The following PAX1 variants were observed in gnomAD, a reference collection of about 807,000 sequenced individuals.
The protein encoded by PAX1 is paired box protein Pax-1.
PAX1 carries 18 observed loss-of-function variants against 35.6 expected under a neutral mutation model. That is an observed-to-expected ratio of 0.50 (90% CI 0.35 to 0.75). The LOEUF is 0.75. Ranked by LOEUF, PAX1 falls within the 30% of genes least tolerant of loss-of-function variation. PAX1 has a pLI of 0.01. For missense variants in PAX1, 760 were observed against 661.5 expected, an observed-to-expected ratio of 1.15 and a Z score of -1.63; for synonymous variants, 397 against 305.2, an observed-to-expected ratio of 1.30 and a Z score of -3.14.
Position 21,706,928 on chromosome 20 carries a change from C to T in PAX1, c.777C>T (p.Pro259=), listed in dbSNP as rs371246528. The T allele has an allele frequency of 1.4e-5, 22 of 1,612,790 alleles. No individual in the cohort carries two copies. The African/African-American group carries it at 2.3e-4, about 17-fold the overall frequency. Residue 259 remains proline (P), a synonymous_variant, in exon 2 of 5, where the codon CCC becomes CCT. Transcript: ENST00000613128. This position sits in a 1 kb window ranked among gnomAD's most constrained non-coding sequence, Gnocchi z 5.3. ...NHIYQYPYPS[P]VSPTGAKMGS... ...TCTACCAGTACCCCTACCCCAGTCC[C>T]GTGTCGCCCACGGGCGCCAAGATGG...
In PAX1 at chr20:21,706,203, G is replaced by C. The variant is rs773884866; in HGVS notation, c.286+205G>C. On this transcript the variant is annotated intron_variant, in intron 1 of 4. Coordinates refer to ENST00000613128, the MANE Select transcript of PAX1 (RefSeq NM_001257096.2). The surrounding 1 kb of genome is among the most constrained non-coding windows in gnomAD (Gnocchi z 5.3). ...TCCAAGTAGACGCGCTAAAAGTCGC[G>C]AAAGGGCACGGAGGGCTACAATGCG... 3.9e-6 allele frequency: 3 copies of C among 775,920 alleles called. No homozygotes were observed. Among genetic ancestry groups the C allele is most frequent in the South Asian group, 2.9e-5 (2 of 69,082 alleles). 48.1% of individuals were successfully genotyped at this position (775,920 alleles called of 1,614,324 possible).
rs78738066 is a variant in PAX1 at position 21,717,912 on chromosome 20, C to T, written c.*3350C>T. On this transcript the variant is annotated 3_prime_UTR_variant, in exon 5 of 5. Transcript: ENST00000613128. ...TGTTATAGTCTTTTGTGAATCTTTC[C>T]AGGAAAAACATGCATGCGGGAAAAT... is the stretch of plus-strand genomic sequence containing the variant. 1 of 152,184 alleles carries T rather than the reference C, an allele frequency of 6.6e-6. No homozygotes were observed. The highest frequency in any genetic ancestry group is 2.4e-5 in the African/African-American group (1 of 41,518). The allele number at this position is 152,184 out of a possible 1,614,324, so 9.4% of individuals were successfully genotyped here.
chr20:21,707,747 C>T (rs960547349), intron 2 of PAX1, among the ~76,000 whole-genome samples: 1 of 152,138 alleles, frequency 6.6e-6, no homozygotes, highest in African/African-American at 2.4e-5. Context: ...TTTCTTTGCG[C>T]TCTCCCCAGC....
chr20:21,708,791 A>C (rs2122138371), intron 3 of PAX1, 91 bp downstream of exon 3: 1 of 1,371,722 alleles, frequency 7.3e-7, no homozygotes, highest in East Asian at 2.3e-5. Context: ...AAAAGAAAAA[A>C]TTTCCAGGCA....
chr20:21,709,274 C>T lies in PAX1; in HGVS notation c.1112C>T (p.Pro371Leu), dbSNP rs1355071859. The T allele has an allele frequency of 3.1e-6, 5 of 1,605,706 alleles. No homozygotes were observed. Among genetic ancestry groups the T allele is most frequent in the African/African-American group, 1.3e-5 (1 of 74,938 alleles). ...VGGFLPACAY[P>L]ASNQHGVYSA... ...GGCTTTCTCCCCGCCTGCGCCTACC[C>T]GGCCTCCAACCAGCACGGCGTGTAC... Residue 371 changes from proline (P) to leucine (L), a missense_variant, in exon 4 of 5, where the codon CCG becomes CTG. Around this residue, in one of 3 missense-constraint regions of PAX1, gnomAD observed 490 missense variants for 428.4 expected, o/e 1.14. Coordinates refer to ENST00000613128, the MANE Select transcript of PAX1 (RefSeq NM_001257096.2).
chr20:21,706,397 T>A lies in PAX1; in HGVS notation c.287-41T>A. ...GACCCTTGGCTAACCCGCCGGGTGT[T>A]TTCTCCCCCTCCGGCTCACTCTTGT... On this transcript the variant is annotated intron_variant, in intron 1 of 4. Transcript: ENST00000613128. The surrounding 1 kb of genome is among the most constrained non-coding windows in gnomAD (Gnocchi z 5.3). The A allele has an allele frequency of 3.1e-6, 5 of 1,608,230 alleles. No individual in the cohort carries two copies. The highest frequency in any genetic ancestry group is 4.2e-6 in the Non-Finnish European group (5 of 1,179,792).
chr20:21,705,688 G>C lies in PAX1; in HGVS notation c.-25G>C, dbSNP rs1984952254. The C allele has an allele frequency of 2.4e-6, 3 of 1,236,528 alleles. No individual in the cohort carries two copies. The highest frequency in any genetic ancestry group is 3.1e-6 in the Non-Finnish European group (3 of 981,566). The allele number at this position is 1,236,528 out of a possible 1,614,324, so 76.6% of individuals were successfully genotyped here. On this transcript the variant is annotated 5_prime_UTR_variant, in exon 1 of 5. Coordinates refer to ENST00000613128, the MANE Select transcript of PAX1 (RefSeq NM_001257096.2). ...TGATTCCCGCACGCTGCAGCCTCCC[G>C]GTCAGACGAATTTCTCCCAATCGGA...
intron 4 of PAX1, among the ~76,000 whole-genome samples, chr20:21,710,139 T>C (rs999364091): frequency 1.3e-5 from 2 of 152,006 alleles, no homozygotes; most frequent in African/African-American, 2.4e-5. Flanking sequence ...CTGGGAGTCT[T>C]GCCTCCTTTT....
intron 2 of PAX1, chr20:21,708,302 C>T: frequency 1.7e-6 from 1 of 603,192 alleles, no homozygotes; most frequent in South Asian, 1.9e-5. Flanking sequence ...CAGGCTTTGA[C>T]TCAGCAGCAG....
chr20:21,715,137 T>G lies in PAX1; in HGVS notation c.*575T>G. ...CCTTTTTCCTGGTCCATCCCTGTCG[T>G]TCCTTCTCTCTCTGTCTCTGGTTCT... On this transcript the variant is annotated 3_prime_UTR_variant, in exon 5 of 5. Coordinates refer to ENST00000613128, the MANE Select transcript of PAX1 (RefSeq NM_001257096.2). 1 of 404,142 alleles carries G rather than the reference T, an allele frequency of 2.5e-6. No individual in the cohort carries two copies. Among genetic ancestry groups the G allele is most frequent in the Non-Finnish European group, 4.6e-6 (1 of 218,214 alleles). The allele number at this position is 404,142 out of a possible 1,614,324, so 25.0% of individuals were successfully genotyped here.
Position 21,708,552 on chromosome 20 carries a change from C to T in PAX1, c.917-6C>T, listed in dbSNP as rs1985089722. The T allele has an allele frequency of 1.9e-6, 3 of 1,613,532 alleles. No homozygotes were observed. The highest frequency in any genetic ancestry group is 2.5e-6 in the Non-Finnish European group (3 of 1,180,030). ...CACCTTTTAATCCGTCCTCTCTCTCCTGCAGGGGCCCTGGCTGGGAGCGAA... is the reference window on the plus strand; with the variant it reads ...CACCTTTTAATCCGTCCTCTCTCTCTTGCAGGGGCCCTGGCTGGGAGCGAA... On this transcript the variant is annotated splice_region_variant and splice_polypyrimidine_tract_variant and intron_variant, in intron 2 of 4. Transcript: ENST00000613128.
intron 3 of PAX1, among the ~76,000 whole-genome samples, 167 bp from the exon 4 acceptor site, chr20:21,709,055 C>T (rs1272661173): frequency 2.6e-5 from 4 of 152,162 alleles, no homozygotes; most frequent in Non-Finnish European, 5.9e-5. Flanking sequence ...AATCACTTTG[C>T]CAAAGAGTCC....
chr20:21,705,785 G>A lies in PAX1; in HGVS notation c.73G>A (p.Gly25Ser). ...SWEGAAAAAAGPGAGGSALRC... is the reference protein window; with the variant it reads ...SWEGAAAAAASPGAGGSALRC... The stretch of plus-strand genomic sequence containing the variant: ...GGAGGGGGCAGCAGCGGCGGCGGCA[G>A]GCCCTGGAGCGGGCGGCAGCGCGCT... The change falls in exon 1 of 5, where the codon GGC becomes AGC. Residue 25 changes from glycine (G) to serine (S), a missense_variant. Transcript: ENST00000613128. 3.9e-6 allele frequency: 5 copies of A among 1,265,950 alleles called. No individual in the cohort carries two copies. Among genetic ancestry groups the A allele is most frequent in the East Asian group, 3.2e-5 (1 of 31,706 alleles). The allele number at this position is 1,265,950 out of a possible 1,614,324, so 78.4% of individuals were successfully genotyped here. A position where few individuals can be genotyped will look rare whatever the true frequency, so the allele number is the denominator to read the frequency against.
At chr20:21,708,466 C>A in intron 2 of PAX1, 92 bp from the exon 3 acceptor site, 1 of 1,475,116 alleles carries the variant, frequency 6.8e-7, no homozygotes, top group South Asian at 1.1e-5. Context: ...GGACCCCTGG[C>A]CGTGTCTTCA....
intron 2 of PAX1, 33 bp downstream of exon 2, chr20:21,707,100 A>G (rs755063450): frequency 6.2e-7 from 1 of 1,612,572 alleles, no homozygotes; most frequent in Admixed American, 1.7e-5. Context: ...GCCTTCTATT[A>G]AGGGGCAGAA....
At chr20:21,708,814 T>G in intron 3 of PAX1, 114 bp downstream of exon 3, 1 of 1,064,918 alleles carries the variant, frequency 9.4e-7, no homozygotes, top group South Asian at 1.3e-5. Context: ...GAGATGGTTG[T>G]ATCTGGCAGC....
At position 21,706,981 on chromosome 20, in the gene PAX1, C is replaced by A. The variant is rs1199629924; in HGVS notation, c.830C>A (p.Ala277Glu). 1.2e-6 allele frequency: 2 copies of A among 1,612,628 alleles called. No individual in the cohort carries two copies. The highest frequency in any genetic ancestry group is 1.3e-5 in the African/African-American group (1 of 74,934). The change falls in exon 2 of 5, where the codon GCG (alanine) becomes GAG (glutamate). Residue 277 changes from alanine (A) to glutamate (E), a missense_variant. Physicochemically the swap from Ala to Glu is moderately radical, Grantham distance 107 (BLOSUM62 -1). Around this residue, in one of 3 missense-constraint regions of PAX1, gnomAD observed 490 missense variants for 428.4 expected, o/e 1.14. Coordinates refer to ENST00000613128, the MANE Select transcript of PAX1 (RefSeq NM_001257096.2). The surrounding 1 kb of genome is among the most constrained non-coding windows in gnomAD (Gnocchi z 5.3). The stretch of plus-strand genomic sequence containing the variant: ...AGCCACCCCGGGGTCCCGGGCACGG[C>A]GGGCCACGTCAGCATCCCGCGCTCA... ...MGSHPGVPGT[A>E]GHVSIPRSWP...
chr20:21,708,910 A>G (rs1251361801), intron 3 of PAX1, among the ~76,000 whole-genome samples: 2 of 152,192 alleles, frequency 1.3e-5, no homozygotes, highest in Non-Finnish European at 2.9e-5. Flanking sequence ...TGCCTTTGCC[A>G]AGATAGCTTA....
intron 4 of PAX1, among the ~76,000 whole-genome samples, chr20:21,710,401 G>A (rs1185074773): frequency 6.6e-6 from 1 of 152,178 alleles, no homozygotes; most frequent in Non-Finnish European, 1.5e-5. Context: ...CCAGAAATTT[G>A]CAACTTCAAC....
Sources: allele counts gnomAD v4.1 joint callset (sites outside exome capture counted in the v4.1 genomes callset), GRCh38; gene constraint gnomAD v4.1.1; regional missense constraint gnomAD v4.1.1; non-coding constraint Gnocchi (gnomAD v3.1); transcripts MANE v1.5; gene names NCBI Gene and HGNC (gene_info 2026-07-23, HGNC 2026-07-21).